The following EMC7 variants were observed in gnomAD, a reference collection of about 807,000 sequenced individuals.
EMC7 encodes endoplasmic reticulum membrane protein complex subunit 7.
A neutral mutation model predicts 24.4 loss-of-function variants in EMC7; 4 were observed. The ratio of observed to expected loss-of-function variants is 0.16; its 90% CI spans 0.08 to 0.38. The LOEUF (loss-of-function observed/expected upper bound fraction) is 0.38. Among genes scored for constraint, EMC7 ranks in the 10% least tolerant of loss-of-function variants. The probability of loss-of-function intolerance (pLI) is 1.00; values close to 1 mark genes in which losing one functional copy is unlikely to be tolerated. For missense variants in EMC7, 221 were observed against 300.6 expected, an observed-to-expected ratio of 0.74 and a Z score of 1.96; for synonymous variants, 106 against 112.0, an observed-to-expected ratio of 0.95 and a Z score of 0.34.
chr15:34,093,806 C>CACACACACACACACAT (rs61440619), intron 2 of EMC7, among the ~76,000 whole-genome samples: 3 of 30,254 alleles, frequency 9.9e-5, no homozygotes, highest in Non-Finnish European at 1.6e-4. Flanking sequence ...CACACACACA[C>CACACACACACACACAT]ATATATATAT....
rs1597403103 is a variant in EMC7 at position 34,085,440 on chromosome 15, TA to T, written c.577-955del. On this transcript the variant is annotated intron_variant, in intron 4 of 4. Coordinates refer to ENST00000256545, the MANE Select transcript of EMC7 (RefSeq NM_020154.3). ...CTTAAAATTGACTTTAGTTCATTCA[TA>T]CATGAAAAAGATAGCAAATACTATA... 1.5e-4 allele frequency among the ~76,000 whole-genome samples: 23 copies of T among 152,306 alleles called. No homozygotes were observed. The East Asian group carries it at 4.2e-3, about 28-fold the overall frequency.
chr15:34,099,924 T>C (rs1038981897), intron 1 of EMC7, among the ~76,000 whole-genome samples: 6 of 152,194 alleles, frequency 3.9e-5, no homozygotes, highest in South Asian at 2.1e-4. Context: ...CCTTTCTACA[T>C]ACAAATAAAG....
Position 34,084,326 on chromosome 15 carries a change from C to A in EMC7, c.*8G>T, listed in dbSNP as rs201960302. 3.9e-4 allele frequency: 627 copies of A among 1,611,066 alleles called. 1 individual carries two copies. Among genetic ancestry groups the A allele is most frequent in the Non-Finnish European group, 5.0e-4 (586 of 1,177,806 alleles). ...TGTTTGTGCAAATGCCAGCTCTGGA[C>A]GGCCTGACTACCTCCTTTTGCCAGC... On this transcript the variant is annotated 3_prime_UTR_variant, in exon 5 of 5. Coordinates refer to ENST00000256545, the MANE Select transcript of EMC7 (RefSeq NM_020154.3).
chr15:34,100,412 T>C (rs1187896526), intron 1 of EMC7, among the ~76,000 whole-genome samples: 1 of 152,216 alleles, frequency 6.6e-6, no homozygotes, highest in African/African-American at 2.4e-5. Context: ...TATACTATTT[T>C]TAAACAGAAA....
At chr15:34,091,053 T>G (rs889381133) in intron 2 of EMC7, among the ~76,000 whole-genome samples, 1 of 152,234 alleles carries the variant, frequency 6.6e-6, no homozygotes, top group African/African-American at 2.4e-5. Context: ...CCTATTTCAC[T>G]GTCATTGCTG....
chr15:34,093,992 T>C (rs1271224222), intron 2 of EMC7, among the ~76,000 whole-genome samples: 1 of 150,394 alleles, frequency 6.6e-6, no homozygotes, highest in Non-Finnish European at 1.5e-5. Context: ...GAAAAACCAC[T>C]ACACTCCAGC....
chr15:34,096,654 G>C (rs1901071979), intron 1 of EMC7, among the ~76,000 whole-genome samples: 1 of 152,122 alleles, frequency 6.6e-6, no homozygotes, highest in South Asian at 2.1e-4. Flanking sequence ...AAAATATTAG[G>C]GTTCCAATTT....
intron 1 of EMC7, 30 bp from the exon 2 acceptor site, chr15:34,096,044 T>C: frequency 6.7e-7 from 1 of 1,503,208 alleles, no homozygotes; most frequent in Non-Finnish European, 9.0e-7. Flanking sequence ...GTTTAGCTAC[T>C]ACTGATCAAC....
chr15:34,088,015 T>TA (rs377063587), intron 4 of EMC7, 38 bp downstream of exon 4: 20,865 of 1,334,898 alleles, frequency 0.016, 50 homozygotes, highest in Admixed American at 0.065. Context: ...CTCTATCTCT[T>TA]AAAAAAAAAA....
intron 4 of EMC7, chr15:34,086,035 A>G (rs962728048): frequency 3.0e-5 from 9 of 302,462 alleles, no homozygotes; most frequent in Non-Finnish European, 5.8e-5. Context: ...GCACGGTAAC[A>G]TTTGTTGCAG....
At chr15:34,089,630 A>T (rs185957924) in intron 3 of EMC7, among the ~76,000 whole-genome samples, 2,320 of 152,352 alleles carry the variant, frequency 0.015, 25 homozygotes, top group Non-Finnish European at 0.024. Context: ...CTGGTTAATA[A>T]ATGATGGCAC....
intron 4 of EMC7, among the ~76,000 whole-genome samples, chr15:34,086,971 C>T (rs1900899344): frequency 6.6e-6 from 1 of 152,152 alleles, no homozygotes; most frequent in Non-Finnish European, 1.5e-5. Flanking sequence ...AACATAATCA[C>T]CTACTACCTT....
intron 4 of EMC7, chr15:34,086,186 G>A (rs548442012): frequency 1.3e-5 from 5 of 397,306 alleles, no homozygotes; most frequent in Admixed American, 1.1e-4. Context: ...TACGAACACT[G>A]TTGTCAACAC....
chr15:34,089,498 T>C (rs1900944381), intron 3 of EMC7, among the ~76,000 whole-genome samples: 1 of 152,254 alleles, frequency 6.6e-6, no homozygotes, highest in African/African-American at 2.4e-5. Flanking sequence ...GTTTTATTAT[T>C]AGTGAGTATC....
chr15:34,098,874 T>A (rs763193842), intron 1 of EMC7, among the ~76,000 whole-genome samples: 36 of 151,948 alleles, frequency 2.4e-4, no homozygotes, highest in Non-Finnish European at 3.5e-4. Context: ...AGCAAATATA[T>A]TTATCATCCT....
At chr15:34,084,546 C>T in intron 4 of EMC7, 60 bp from the exon 5 acceptor site, 1 of 1,554,378 alleles carries the variant, frequency 6.4e-7, no homozygotes. Flanking sequence ...ACTCCTAACA[C>T]TTCCTATTAA....
intron 1 of EMC7, chr15:34,100,618 C>G (rs981095631): frequency 1.3e-5 from 2 of 152,136 alleles, no homozygotes; most frequent in Non-Finnish European, 2.9e-5. Context: ...ATTTATTAAT[C>G]TGAGGTTGAA....
chr15:34,087,967 C>A, intron 4 of EMC7, 86 bp downstream of exon 4: 1 of 1,190,794 alleles, frequency 8.4e-7, no homozygotes, highest in Non-Finnish European at 1.2e-6. Context: ...GCCACTCAAA[C>A]TGATTGTGCC....
intron 4 of EMC7, among the ~76,000 whole-genome samples, chr15:34,086,639 G>A (rs563107575): frequency 6.6e-6 from 1 of 152,128 alleles, no homozygotes; most frequent in Middle Eastern, 3.4e-3. Flanking sequence ...ATGTTAGTCA[G>A]GCTGGTCGTG....
Sources: gnomAD v4.1 joint callset for allele counts (sites outside exome capture counted in the v4.1 genomes callset) on GRCh38, gnomAD v4.1.1 for gene constraint, MANE v1.5 for transcripts, NCBI Gene and HGNC (gene_info 2026-07-23, HGNC 2026-07-21) for gene names.